TEX11: variants seen among roughly 807,000 people sequenced by gnomAD.
The protein encoded by TEX11 is testis expressed 11, also known as testis-expressed protein 11.
A neutral mutation model predicts 84.4 loss-of-function variants in TEX11; 7 were observed. The ratio of observed to expected loss-of-function variants is 0.08; its 90% CI spans 0.05 to 0.16. The LOEUF (loss-of-function observed/expected upper bound fraction) is 0.16. TEX11 is among the 10% of genes least tolerant of loss of function. The pLI is 1.00. For synonymous variants in TEX11, 264 were observed against 222.8 expected, an observed-to-expected ratio of 1.18 and a Z score of -1.64; for missense variants, 551 against 660.5, an observed-to-expected ratio of 0.83 and a Z score of 1.82.
At chrX:70,610,433 G>T in intron 21 of TEX11, 70 bp downstream of exon 21, 1 of 986,387 alleles carries the variant, frequency 1.0e-6, no homozygotes, top group South Asian at 2.2e-5. Flanking sequence ...GCTGTGCTTA[G>T]TGTACTTGGA....
chrX:70,640,428 G>T, intron 17 of TEX11, among the ~76,000 whole-genome samples: 1 of 105,022 alleles, frequency 9.5e-6, no homozygotes, highest in Non-Finnish European at 2.0e-5. Context: ...ACGCCACAAA[G>T]ATACTCCTCG....
At chrX:70,590,822 A>C (rs2088919045) in intron 25 of TEX11, among the ~76,000 whole-genome samples, 1 of 111,628 alleles carries the variant, frequency 9.0e-6, no homozygotes, top group Non-Finnish European at 1.9e-5. Flanking sequence ...ATCTTGGCTC[A>C]CTGCAACCCC....
intron 26 of TEX11, among the ~76,000 whole-genome samples, 181 bp downstream of exon 26, chrX:70,554,470 T>A (rs1264814708): frequency 9.0e-6 from 1 of 111,474 alleles, no homozygotes; most frequent in Non-Finnish European, 1.9e-5. Flanking sequence ...GTGAAGAAGA[T>A]AAATGCACAA....
rs35107239 is a variant in TEX11, at chrX:70,553,386, A to G, written c.2319T>C (p.Tyr773=). The change falls in exon 27 of 30, where the codon TAT becomes TAC. Residue 773 remains tyrosine (Y), a synonymous_variant. Coordinates refer to ENST00000374333, the MANE Select transcript of TEX11 (RefSeq NM_031276.3). The part of the protein sequence containing the change: ...AIIAMEKPAH[Y]PLIALKALKK... ...TCAAGGCCTTGAGAGCAATCAAAGG[A>G]TAGTGTGCAGGCTTTTCCATTGCTA... 2.7e-4 allele frequency: 327 copies of G among 1,206,269 alleles called. 1 individual carries two copies. In the African/African-American group the frequency reaches 5.4e-3, roughly 20 times the overall value.
chrX:70,516,828 T>G, the TEX11 span, among the ~76,000 whole-genome samples: 5 of 110,833 alleles, frequency 4.5e-5, no homozygotes, highest in Admixed American at 9.7e-5. Flanking sequence ...CCTTGAAGAG[T>G]TCCTTCACAT....
the TEX11 span, among the ~76,000 whole-genome samples, chrX:70,519,876 C>T: frequency 3.6e-5 from 4 of 111,601 alleles, no homozygotes; most frequent in African/African-American, 1.3e-4. Context: ...GATCTTCAAT[C>T]ACTGATACCC....
intron 8 of TEX11, among the ~76,000 whole-genome samples, chrX:70,820,674 G>T (rs190679963): frequency 3.6e-5 from 4 of 110,474 alleles, no homozygotes; most frequent in African/African-American, 1.3e-4. Context: ...TGAGGAGGGA[G>T]GTGCCACACA....
At chrX:70,731,183 TG>T (rs2090646737) in intron 11 of TEX11, among the ~76,000 whole-genome samples, 1 of 111,831 alleles carries the variant, frequency 8.9e-6, no homozygotes, top group Non-Finnish European at 1.9e-5. Flanking sequence ...TAGCACTAAA[TG>T]CCCACAAGAG....
At chrX:70,720,447 A>C (rs2090548899) in intron 13 of TEX11, among the ~76,000 whole-genome samples, 1 of 110,265 alleles carries the variant, frequency 9.1e-6, no homozygotes, top group Non-Finnish European at 1.9e-5. Flanking sequence ...GCAGCACACC[A>C]ACATGGCACA....
chrX:70,750,408 C>A (rs931312875), intron 9 of TEX11, among the ~76,000 whole-genome samples: 57 of 111,466 alleles, frequency 5.1e-4, no homozygotes, highest in Middle Eastern at 4.2e-3. Context: ...TTTGACCCAG[C>A]CATCCCATTA....
At chrX:70,624,605 T>C (rs1452667046) in intron 19 of TEX11, among the ~76,000 whole-genome samples, 6 of 112,200 alleles carry the variant, frequency 5.3e-5, no homozygotes, top group Non-Finnish European at 9.4e-5. Context: ...TGGCCTCAAG[T>C]GTAATTGACC....
chrX:70,828,120 A>G (rs976564138), intron 8 of TEX11, among the ~76,000 whole-genome samples: 9 of 111,159 alleles, frequency 8.1e-5, no homozygotes, highest in African/African-American at 2.9e-4. Context: ...AAGGACTGGC[A>G]TGAGCAAGCC....
chrX:70,588,872 G>A (rs999980412), intron 25 of TEX11, among the ~76,000 whole-genome samples: 7 of 107,207 alleles, frequency 6.5e-5, no homozygotes, highest in Non-Finnish European at 1.2e-4. Flanking sequence ...GTTCAAGGCT[G>A]CAGTGAGCTA....
At chrX:70,840,199 G>C (rs2091433771) in intron 7 of TEX11, among the ~76,000 whole-genome samples, 1 of 111,569 alleles carries the variant, frequency 9.0e-6, no homozygotes, top group African/African-American at 3.3e-5. Context: ...AAGTTGAAAT[G>C]AAGGAAAAAA....
At chrX:70,896,806 T>C (rs2091768287) in intron 2 of TEX11, among the ~76,000 whole-genome samples, 1 of 109,719 alleles carries the variant, frequency 9.1e-6, no homozygotes, top group South Asian at 4.0e-4. Context: ...CACTCATAAG[T>C]AGGAGTTAAG....
intron 7 of TEX11, among the ~76,000 whole-genome samples, chrX:70,844,449 C>T (rs1218985211): frequency 8.6e-5 from 6 of 69,897 alleles, no homozygotes; most frequent in Admixed American, 6.9e-4. Flanking sequence ...CATCACACAC[C>T]GGAGACTGTT....
intron 13 of TEX11, among the ~76,000 whole-genome samples, chrX:70,702,976 T>G (rs2090338646): frequency 8.9e-6 from 1 of 111,934 alleles, no homozygotes. Context: ...AGTGGCAAAC[T>G]TTATATAGTG....
intron 9 of TEX11, among the ~76,000 whole-genome samples, chrX:70,782,536 G>C (rs1011925185): frequency 9.4e-6 from 1 of 106,435 alleles, no homozygotes; most frequent in African/African-American, 3.5e-5. Flanking sequence ...ATTGGATAAA[G>C]AGTCAAGACC....
intron 17 of TEX11, among the ~76,000 whole-genome samples, chrX:70,642,485 A>C (rs1335134339): frequency 9.3e-6 from 1 of 107,549 alleles, no homozygotes; most frequent in African/African-American, 3.4e-5. Context: ...ATTTTAGACC[A>C]ATATCCTTGA....
Sources: allele counts gnomAD v4.1 joint callset (sites outside exome capture counted in the v4.1 genomes callset), GRCh38; gene constraint gnomAD v4.1.1; transcripts MANE v1.5; gene names NCBI Gene and HGNC (gene_info 2026-07-23, HGNC 2026-07-21).